Variants in P4HA1 observed in about 807,000 individuals in gnomAD.
P4HA1 encodes the protein prolyl 4-hydroxylase subunit alpha-1.
In P4HA1, 24 loss-of-function variants were observed where a neutral mutation model predicts 72.8. The observed-to-expected ratio is 0.33, with a 90% CI of 0.24 to 0.46. The LOEUF (loss-of-function observed/expected upper bound fraction) is 0.46. P4HA1 is among the 20% of genes least tolerant of loss of function. P4HA1 has a pLI of 1.00. For synonymous variants in P4HA1, 201 were observed against 218.8 expected (o/e 0.92, Z 0.72); for missense variants, 446 against 640.6 (o/e 0.70, Z 3.28).
chr10:73,032,646 CT>C (rs1564623516), intron 9 of P4HA1, among the ~76,000 whole-genome samples: 2 of 152,206 alleles, frequency 1.3e-5, no homozygotes, highest in Non-Finnish European at 2.9e-5. Context: ...CCAGAATATT[CT>C]TTTTCACTTT....
intron 1 of P4HA1, among the ~76,000 whole-genome samples, chr10:73,089,269 C>T (rs968178001): frequency 3.9e-5 from 6 of 152,124 alleles, no homozygotes; most frequent in African/African-American, 1.4e-4. Flanking sequence ...TATAGAAATA[C>T]AATTTACTGT....
chr10:73,073,616 A>G, intron 3 of P4HA1, 115 bp downstream of exon 3: 1 of 654,558 alleles, frequency 1.5e-6, no homozygotes, highest in Non-Finnish European at 2.8e-6. Context: ...TAGCCATTGC[A>G]ACTGGCTTTG....
At chr10:73,024,440 C>T (rs886558735) in intron 10 of P4HA1, among the ~76,000 whole-genome samples, 1 of 152,174 alleles carries the variant, frequency 6.6e-6, no homozygotes, top group Admixed American at 6.5e-5. Context: ...TTCTTTGAAA[C>T]CAATGAGAAC....
At chr10:73,078,221 A>C (rs1841745818) in intron 1 of P4HA1, among the ~76,000 whole-genome samples, 1 of 152,182 alleles carries the variant, frequency 6.6e-6, no homozygotes, top group Admixed American at 6.5e-5. Context: ...AAAAAGGAAA[A>C]GTAGTTAGCT....
At chr10:73,057,964 G>A (rs1441496137) in intron 5 of P4HA1, among the ~76,000 whole-genome samples, 1 of 151,616 alleles carries the variant, frequency 6.6e-6, no homozygotes, top group Non-Finnish European at 1.5e-5. Context: ...GGTAGCACAC[G>A]CCTGTAATTC....
chr10:73,090,255 C>T (rs560364638), intron 1 of P4HA1, among the ~76,000 whole-genome samples: 1 of 152,252 alleles, frequency 6.6e-6, no homozygotes, highest in Admixed American at 6.5e-5. Context: ...CCTCGGCCTC[C>T]CAAGTAGCTA....
rs776062341 is a variant in P4HA1 at position 73,009,855 on chromosome 10, A to C, written c.1486T>G (p.Tyr496Asp). The C allele has an allele frequency of 6.2e-7, 1 of 1,611,664 alleles. No individual in the cohort carries two copies. Among genetic ancestry groups the C allele is most frequent in the Admixed American group, 1.7e-5 (1 of 60,024 alleles). Reference sequence around the variant, plus strand: ...GGACAGGCTGCATGCCGTGTACTATAATCTCCTTCTCCACTGGCAAACAGA... The same window carrying C: ...GGACAGGCTGCATGCCGTGTACTATCATCTCCTTCTCCACTGGCAAACAGA... ...YNLFASGEGD[Y>D]STRHAACPVL... Residue 496 changes from tyrosine to aspartate, a missense_variant, in exon 14 of 15, where the codon TAT becomes GAT. By Grantham distance (160) the Tyr-to-Asp change is radical. Transcript: ENST00000394890.
intron 5 of P4HA1, among the ~76,000 whole-genome samples, chr10:73,054,714 C>T (rs1323700659): frequency 6.6e-6 from 1 of 152,190 alleles, no homozygotes; most frequent in Non-Finnish European, 1.5e-5. Context: ...TACATTCCCA[C>T]CAACAAGGTA....
intron 1 of P4HA1, among the ~76,000 whole-genome samples, chr10:73,081,185 G>T (rs867303477): frequency 1.1e-4 from 17 of 152,090 alleles, no homozygotes; most frequent in Middle Eastern, 6.3e-3. Context: ...ATCTCAGATA[G>T]CATCCCTGAA....
At position 73,087,273 on chromosome 10, in the gene P4HA1, T is replaced by A. The variant is rs529844654; in HGVS notation, c.-33+9493A>T. ...TAATGATGTTTAATGCCTTTATTTT[T>A]TTTTTTTTTTTTTGAGACAGAGTCT... On this transcript the variant is annotated intron_variant, in intron 1 of 14. Coordinates refer to ENST00000394890, the MANE Select transcript of P4HA1 (RefSeq NM_001017962.3). Among the ~76,000 whole-genome samples the A allele has an allele frequency of 1.5e-3, 222 of 149,968 alleles. 2 individuals carry two copies. Among genetic ancestry groups the A allele is most frequent in the African/African-American group, 2.7e-3 (111 of 40,780 alleles).
intron 5 of P4HA1, among the ~76,000 whole-genome samples, chr10:73,060,846 A>G (rs1841295793): frequency 6.6e-6 from 1 of 152,160 alleles, no homozygotes; most frequent in African/African-American, 2.4e-5. Context: ...ATGATATGTC[A>G]TGAAAATTAC....
In P4HA1 at chr10:73,068,907, C is replaced by G; in HGVS notation, c.402G>C (p.Leu134=). The change falls in exon 5 of 15, where the codon CTG becomes CTC. Residue 134 remains leucine (L), a synonymous_variant. Coordinates refer to ENST00000394890, the MANE Select transcript of P4HA1 (RefSeq NM_001017962.3). The stretch of plus-strand genomic sequence containing the variant: ...AATTGTAGGTATCCTGGAGACGTAA[C>G]AGAGCTTTGGCTGCCCCAACCTGAT... The part of the protein sequence containing the change: ...DEDQVGAAKA[L]LRLQDTYNLD... 1 of 1,612,286 alleles carries G rather than the reference C, an allele frequency of 6.2e-7. No individual in the cohort carries two copies.
intron 5 of P4HA1, among the ~76,000 whole-genome samples, 199 bp from the exon 6 acceptor site, chr10:73,053,789 G>A (rs768343040): frequency 1.2e-4 from 19 of 152,094 alleles, no homozygotes; most frequent in Non-Finnish European, 2.2e-4. Flanking sequence ...CACACAGCTG[G>A]TATTAGGGGA....
intron 9 of P4HA1, among the ~76,000 whole-genome samples, chr10:73,041,996 C>T (rs555928527): frequency 6.6e-6 from 1 of 151,044 alleles, no homozygotes; most frequent in South Asian, 2.2e-4. Flanking sequence ...CAGGTACATG[C>T]CACCACACCT....
At chr10:73,094,197 C>T (rs1176904961) in intron 1 of P4HA1, among the ~76,000 whole-genome samples, 1 of 152,006 alleles carries the variant, frequency 6.6e-6, no homozygotes, top group Non-Finnish European at 1.5e-5. Context: ...ATTCTAACAA[C>T]CTATTAACTT....
At chr10:73,063,187 TCA>T (rs1459109059) in intron 5 of P4HA1, among the ~76,000 whole-genome samples, 1 of 152,226 alleles carries the variant, frequency 6.6e-6, no homozygotes, top group African/African-American at 2.4e-5. Flanking sequence ...ATTTATTTTC[TCA>T]CAGTTCTAGA....
In P4HA1 at chr10:73,041,539, T is replaced by TC. The variant is rs773389649; in HGVS notation, c.1148+3441dup. Among the ~76,000 whole-genome samples, 405 of 95,428 alleles carry TC rather than the reference T, an allele frequency of 4.2e-3. 4 individuals are homozygous for TC. The highest frequency in any genetic ancestry group is 0.03 in the South Asian group (97 of 3,202). The allele number at this position is 95,428 out of a possible 152,430, so 62.6% of individuals were successfully genotyped here. A position where few individuals can be genotyped will look rare whatever the true frequency, so the allele number is the denominator to read the frequency against. On this transcript the variant is annotated intron_variant, in intron 9 of 14. Coordinates refer to ENST00000394890, the MANE Select transcript of P4HA1 (RefSeq NM_001017962.3). ...CTGGGGGCGACAGAGCAAGACTCCA[T>TC]CCCCCCCCCAAAAAAAAAAAAAAAG...
chr10:73,066,064 T>C (rs958661964), intron 5 of P4HA1, among the ~76,000 whole-genome samples: 4 of 152,228 alleles, frequency 2.6e-5, no homozygotes, highest in Non-Finnish European at 4.4e-5. Flanking sequence ...AAGTTCAGAA[T>C]AGTCATTACC....
At chr10:73,053,909 T>C (rs1258154942) in intron 5 of P4HA1, among the ~76,000 whole-genome samples, 1 of 151,156 alleles carries the variant, frequency 6.6e-6, no homozygotes. Context: ...CCATATGAGA[T>C]ACATCTCTTT....
Sources: allele counts gnomAD v4.1 joint callset (sites outside exome capture counted in the v4.1 genomes callset), GRCh38; gene constraint gnomAD v4.1.1; transcripts MANE v1.5; gene names NCBI Gene and HGNC (gene_info 2026-07-23, HGNC 2026-07-21).